Variants in ITPRID1 observed in about 807,000 individuals in gnomAD.
ITPRID1 encodes protein ITPRID1.
ITPRID1 carries 96 observed loss-of-function variants against 95.4 expected under a neutral mutation model. The ratio of observed to expected loss-of-function variants is 1.01; its 90% CI spans 0.85 to 1.19. The LOEUF is 1.19. Among genes scored for constraint, ITPRID1 ranks in the 50% most tolerant of loss-of-function variants. The pLI is 0.00. For missense variants in ITPRID1, 1,339 were observed against 1,252.9 expected (o/e 1.07, Z -1.04); for synonymous variants, 510 against 453.6 (o/e 1.12, Z -1.58).
intron 10 of ITPRID1, among the ~76,000 whole-genome samples, chr7:31,615,610 G>C (rs914304718): frequency 6.6e-6 from 1 of 152,086 alleles, no homozygotes; most frequent in Non-Finnish European, 1.5e-5. Context: ...TTTTAAAATG[G>C]AGATTCTTTG....
intron 10 of ITPRID1, among the ~76,000 whole-genome samples, chr7:31,633,203 G>A (rs976807084): frequency 4.6e-5 from 7 of 152,090 alleles, no homozygotes; most frequent in South Asian, 2.1e-4. Context: ...GGAGATTTAC[G>A]CTGAGGAGAA....
At chr7:31,583,067 G>A in intron 9 of ITPRID1, 67 bp from the exon 10 acceptor site, 1 of 1,155,016 alleles carries the variant, frequency 8.7e-7, no homozygotes, top group South Asian at 1.3e-5. Context: ...CTTATTATAT[G>A]TTGATTAAAA....
At position 31,538,692 on chromosome 7, in the gene ITPRID1, A is replaced by G. The variant is rs77402926; in HGVS notation, c.-97-10734A>G. 1.4e-3 allele frequency among the ~76,000 whole-genome samples: 220 copies of G among 152,360 alleles called. 1 individual carries two copies. The highest frequency in any genetic ancestry group is 2.7e-3 in the Non-Finnish European group (187 of 68,032). On this transcript the variant is annotated intron_variant, in intron 1 of 14. Transcript: ENST00000615280. ...ATTTATTAAAACATGGAAATAGCAC[A>G]GAAATAACCACTGTCTTTCTGAGTG...
chr7:31,555,501 A>G (rs1349652634), intron 5 of ITPRID1, among the ~76,000 whole-genome samples: 1 of 151,778 alleles, frequency 6.6e-6, no homozygotes, highest in African/African-American at 2.4e-5. Context: ...AGAATCTAAG[A>G]CCCTTCAATT....
intron 10 of ITPRID1, among the ~76,000 whole-genome samples, chr7:31,635,290 A>C (rs932695262): frequency 1.3e-5 from 2 of 152,212 alleles, no homozygotes; most frequent in African/African-American, 2.4e-5. Flanking sequence ...ATAAAGAGAA[A>C]GGATTTTTAG....
At chr7:31,637,427 G>T (rs769211861) in intron 10 of ITPRID1, among the ~76,000 whole-genome samples, 351 of 151,918 alleles carry the variant, frequency 2.3e-3, no homozygotes, top group African/African-American at 7.5e-3. Context: ...ATGATCGCCA[G>T]TCTAACTGGT....
In ITPRID1 at chr7:31,644,044, G is replaced by C. The variant is rs558083954; in HGVS notation, c.2583+91G>C. The stretch of plus-strand genomic sequence containing the variant: ...ATTCAGACTTCCTTGCTGAATGCAA[G>C]ATCTCAGGGCAAACTTTTCTATTTT... On this transcript the variant is annotated intron_variant, in intron 12 of 14. Transcript: ENST00000615280. 4 of 1,226,144 alleles carry C rather than the reference G, an allele frequency of 3.3e-6. No individual in the cohort carries two copies. In the Admixed American group the frequency reaches 7.4e-5, roughly 23 times the overall value. The allele number at this position is 1,226,144 out of a possible 1,614,324, so 76.0% of individuals were successfully genotyped here. A position where few individuals can be genotyped will look rare whatever the true frequency, so the allele number is the denominator to read the frequency against.
chr7:31,656,119 CT>C lies in ITPRID1; in HGVS notation c.*3291del. 1.4e-6 allele frequency: 1 copy of C among 726,086 alleles called. No individual in the cohort carries two copies. Among genetic ancestry groups the C allele is most frequent in the Non-Finnish European group, 1.7e-6 (1 of 593,638 alleles). 45.0% of individuals were successfully genotyped at this position (726,086 alleles called of 1,614,324 possible). On this transcript the variant is annotated 3_prime_UTR_variant, in exon 15 of 15. Transcript: ENST00000615280. ...AAGTGATCCTTATTTTTTGAAACTC[CT>C]ATATCACTTTGCTTTTTTGTTAAAA...
chr7:31,605,552 G>A (rs768162632), intron 10 of ITPRID1, among the ~76,000 whole-genome samples: 48 of 152,222 alleles, frequency 3.2e-4, no homozygotes, highest in Non-Finnish European at 8.8e-5. Context: ...TTGGAAGGAA[G>A]ATCCTAGTTC....
intron 5 of ITPRID1, among the ~76,000 whole-genome samples, chr7:31,569,330 A>G (rs1373615216): frequency 6.6e-6 from 1 of 152,134 alleles, no homozygotes. Flanking sequence ...ACCATGAGAG[A>G]GCATCCCTAA....
At chr7:31,585,793 T>A (rs1205170810) in intron 10 of ITPRID1, among the ~76,000 whole-genome samples, 1 of 152,038 alleles carries the variant, frequency 6.6e-6, no homozygotes, top group Non-Finnish European at 1.5e-5. Context: ...TCAGAATAAA[T>A]GTCCACTAAA....
intron 5 of ITPRID1, among the ~76,000 whole-genome samples, chr7:31,558,084 G>A (rs539873264): frequency 2.0e-5 from 3 of 152,112 alleles, no homozygotes; most frequent in African/African-American, 7.2e-5. Context: ...TAATTATCAC[G>A]GGAGTGGGCT....
At chr7:31,564,577 G>A (rs1041117347) in intron 5 of ITPRID1, among the ~76,000 whole-genome samples, 1 of 152,046 alleles carries the variant, frequency 6.6e-6, no homozygotes, top group Non-Finnish European at 1.5e-5. Context: ...TTGTGTTGGC[G>A]GTACAGGTAC....
chr7:31,642,657 C>G, intron 11 of ITPRID1, 25 bp from the exon 12 acceptor site: 1 of 1,601,904 alleles, frequency 6.2e-7, no homozygotes, highest in Non-Finnish European at 8.5e-7. Flanking sequence ...TGACCTGTTT[C>G]CCTTTGTCCT....
chr7:31,656,087 G>C lies in ITPRID1; in HGVS notation c.*3258G>C. The C allele has an allele frequency of 1.1e-6, 1 of 903,476 alleles. No homozygotes were observed. Among genetic ancestry groups the C allele is most frequent in the Non-Finnish European group, 1.3e-6 (1 of 755,422 alleles). 56.0% of individuals were successfully genotyped at this position (903,476 alleles called of 1,614,324 possible). A position where few individuals can be genotyped will look rare whatever the true frequency, so the allele number is the denominator to read the frequency against. On this transcript the variant is annotated 3_prime_UTR_variant, in exon 15 of 15. Transcript: ENST00000615280. The stretch of plus-strand genomic sequence containing the variant: ...CTACACAGGCTTTCCTTGATGATCT[G>C]TGGCAGAAGTGATCCTTATTTTTTG...
intron 10 of ITPRID1, among the ~76,000 whole-genome samples, chr7:31,608,201 G>A (rs1413978165): frequency 1.3e-5 from 2 of 152,000 alleles, no homozygotes; most frequent in East Asian, 1.9e-4. Flanking sequence ...ATCTCTCTAA[G>A]TTCTATTCTA....
chr7:31,578,882 C>G (rs1785295210), intron 9 of ITPRID1, among the ~76,000 whole-genome samples: 1 of 152,128 alleles, frequency 6.6e-6, no homozygotes, highest in African/African-American at 2.4e-5. Flanking sequence ...GAGTGTGTGT[C>G]AATGCTGTCT....
At chr7:31,656,557 C>T (rs1562669280), downstream of ITPRID1, 2 of 804,040 alleles carry the variant, frequency 2.5e-6, no homozygotes, top group Non-Finnish European at 3.0e-6. Context: ...TTTATGCACA[C>T]AGAATATTAC....
Position 31,546,036 on chromosome 7 carries a change from C to T in ITPRID1, c.-97-3390C>T, listed in dbSNP as rs764265655. Among the ~76,000 whole-genome samples, 15 of 151,762 alleles carry T rather than the reference C, an allele frequency of 9.9e-5. 1 individual carries two copies. The highest frequency in any genetic ancestry group is 3.9e-4 in the Admixed American group (6 of 15,246). On this transcript the variant is annotated intron_variant, in intron 1 of 14. Transcript: ENST00000615280. ...TTAAAATGTCTTATAATGTGAACTCCGTTGGACAAACATTAAACAGTCTAT... is the reference window on the plus strand; with the variant it reads ...TTAAAATGTCTTATAATGTGAACTCTGTTGGACAAACATTAAACAGTCTAT...
Sources: allele counts gnomAD v4.1 joint callset (sites outside exome capture counted in the v4.1 genomes callset), GRCh38; gene constraint gnomAD v4.1.1; transcripts MANE v1.5; gene names NCBI Gene and HGNC (gene_info 2026-07-23, HGNC 2026-07-21).